PHACTR1: variants seen among roughly 807,000 people sequenced by gnomAD.
PHACTR1 encodes the protein RPEL repeat containing 1.
A neutral mutation model predicts 69.2 loss-of-function variants in PHACTR1; 16 were observed. The ratio of observed to expected loss-of-function variants is 0.23; its 90% CI spans 0.16 to 0.35. PHACTR1 has a LOEUF of 0.35. PHACTR1 is among the 10% of genes least tolerant of loss of function. The pLI is 1.00. For missense variants in PHACTR1, 510 were observed against 734.7 expected, an observed-to-expected ratio of 0.69 and a Z score of 3.54; for synonymous variants, 312 against 284.5, an observed-to-expected ratio of 1.10 and a Z score of -0.97.
intron 5 of PHACTR1, among the ~76,000 whole-genome samples, chr6:13,096,466 A>T (rs1175793401): frequency 6.6e-6 from 1 of 152,208 alleles, no homozygotes; most frequent in Admixed American, 6.5e-5. Flanking sequence ...AACCTTGGGG[A>T]AATCATACTT....
rs113769330 is a variant in PHACTR1 at position 13,219,208 on chromosome 6, T to TA, written c.987-8608_987-8607insA. On this transcript the variant is annotated intron_variant, in intron 8 of 14. Coordinates refer to ENST00000332995, the MANE Select transcript of PHACTR1 (RefSeq NM_030948.6). ...TTCCAAATATGTCTCTTTTCAGTGT[T>TA]TCTTGTGTAAATAGCAAGGCTTCTG... 7.2e-3 allele frequency among the ~76,000 whole-genome samples: 1,098 copies of TA among 152,328 alleles called. 16 individuals carry two copies. Among genetic ancestry groups the TA allele is most frequent in the African/African-American group, 0.025 (1,039 of 41,578 alleles).
chr6:13,068,651 T>G (rs1809037156), intron 5 of PHACTR1, among the ~76,000 whole-genome samples: 1 of 152,176 alleles, frequency 6.6e-6, no homozygotes, highest in South Asian at 2.1e-4. Context: ...GTTCCGTAGT[T>G]TCCTGGGTAT....
At chr6:12,843,589 G>A (rs1268090125) in intron 4 of PHACTR1, among the ~76,000 whole-genome samples, 2 of 152,196 alleles carry the variant, frequency 1.3e-5, no homozygotes, top group Non-Finnish European at 2.9e-5. Context: ...CATAAATAAT[G>A]TGTTAAACCA....
At chr6:12,730,545 A>G (rs552890079) in intron 3 of PHACTR1, among the ~76,000 whole-genome samples, 15 of 152,230 alleles carry the variant, frequency 9.9e-5, no homozygotes, top group African/African-American at 3.6e-4. Flanking sequence ...AAAATGCTGC[A>G]AAGGAAGAGG....
chr6:13,078,034 A>G (rs536794886), intron 5 of PHACTR1, among the ~76,000 whole-genome samples: 10 of 152,270 alleles, frequency 6.6e-5, no homozygotes, highest in East Asian at 3.9e-4. Flanking sequence ...CCATCACACA[A>G]TGAAGGAGAG....
intron 4 of PHACTR1, among the ~76,000 whole-genome samples, chr6:12,864,848 A>G (rs1338985152): frequency 1.3e-5 from 2 of 152,174 alleles, no homozygotes; most frequent in Non-Finnish European, 2.9e-5. Context: ...GGATTTCTTC[A>G]GTAGCTTAAA....
intron 10 of PHACTR1, among the ~76,000 whole-genome samples, chr6:13,262,285 C>T (rs1329173422): frequency 6.6e-6 from 1 of 152,120 alleles, no homozygotes; most frequent in Non-Finnish European, 1.5e-5. Flanking sequence ...GGACTCCATA[C>T]AAGACCACTT....
intron 3 of PHACTR1, among the ~76,000 whole-genome samples, chr6:12,738,748 G>A (rs1035766023): frequency 1.3e-4 from 19 of 151,968 alleles, no homozygotes; most frequent in South Asian, 6.2e-4. Flanking sequence ...TTGTAGTCCC[G>A]GCTACTCAAG....
At chr6:13,017,885 C>T (rs975650522) in intron 4 of PHACTR1, among the ~76,000 whole-genome samples, 12 of 152,204 alleles carry the variant, frequency 7.9e-5, no homozygotes, top group Admixed American at 2.0e-4. Flanking sequence ...AGAAACAAGA[C>T]GTATTGATTG....
At position 13,039,704 on chromosome 6, in the gene PHACTR1, G is replaced by A. The variant is rs1583079823; in HGVS notation, c.251-13661G>A. Among the ~76,000 whole-genome samples, 8 of 152,280 alleles carry A rather than the reference G, an allele frequency of 5.3e-5. 2 individuals are homozygous for A. The highest frequency in any genetic ancestry group is 3.9e-4 in the Admixed American group (6 of 15,284). On this transcript the variant is annotated intron_variant, in intron 4 of 14. Transcript: ENST00000332995. ...TGTGGTGACTGTTTTTAAGAGAATG[G>A]CTCTTTAATTCAGAAACCAATTGAA...
At chr6:12,869,624 T>C (rs1365218286) in intron 4 of PHACTR1, among the ~76,000 whole-genome samples, 1 of 152,156 alleles carries the variant, frequency 6.6e-6, no homozygotes, top group Non-Finnish European at 1.5e-5. Flanking sequence ...CCAGTCCTCC[T>C]CCTTCCTGCT....
intron 4 of PHACTR1, among the ~76,000 whole-genome samples, chr6:12,770,709 G>A (rs1268017328): frequency 6.6e-6 from 1 of 152,186 alleles, no homozygotes; most frequent in Non-Finnish European, 1.5e-5. Context: ...TGCCATTGAG[G>A]AGCACCCATG....
At chr6:12,990,920 A>G (rs991033463) in intron 4 of PHACTR1, among the ~76,000 whole-genome samples, 7 of 152,028 alleles carry the variant, frequency 4.6e-5, no homozygotes, top group South Asian at 2.1e-4. Flanking sequence ...ATAGTCTCCA[A>G]TGCTCTGTTG....
intron 8 of PHACTR1, among the ~76,000 whole-genome samples, chr6:13,224,906 A>G (rs1371374289): frequency 6.6e-6 from 1 of 152,184 alleles, no homozygotes; most frequent in Non-Finnish European, 1.5e-5. Context: ...CATGTCTGTC[A>G]ATAACCAGTG....
At chr6:13,160,310 C>T (rs747249386) in intron 6 of PHACTR1, 26 bp downstream of exon 6, 18 of 1,592,960 alleles carry the variant, frequency 1.1e-5, no homozygotes, top group Middle Eastern at 1.7e-4. Context: ...CTGTCATCCC[C>T]GGGTCAAAGA....
chr6:13,148,557 A>G (rs1313418545), intron 5 of PHACTR1, among the ~76,000 whole-genome samples: 1 of 152,172 alleles, frequency 6.6e-6, no homozygotes, highest in Admixed American at 6.5e-5. Flanking sequence ...GCATGCTGAA[A>G]ATGAGGCTGT....
At position 12,944,791 on chromosome 6, in the gene PHACTR1, T is replaced by A. The variant is rs576227312; in HGVS notation, c.251-108574T>A. ...TTTATTTATTTATTTTTATTTATTTTTTTTTTTTTGAGACGGAGTCTGGCT... is the reference window on the plus strand; with the variant it reads ...TTTATTTATTTATTTTTATTTATTTATTTTTTTTTGAGACGGAGTCTGGCT... On this transcript the variant is annotated intron_variant, in intron 4 of 14. Coordinates refer to ENST00000332995, the MANE Select transcript of PHACTR1 (RefSeq NM_030948.6). 1.4e-3 allele frequency among the ~76,000 whole-genome samples: 145 copies of A among 101,474 alleles called. 2 individuals are homozygous for A. The highest frequency in any genetic ancestry group is 4.6e-3 in the East Asian group (22 of 4,784). 66.6% of individuals were successfully genotyped at this position (101,474 alleles called of 152,430 possible).
chr6:13,176,073 G>T (rs1761279569), intron 6 of PHACTR1, among the ~76,000 whole-genome samples: 1 of 152,082 alleles, frequency 6.6e-6, no homozygotes. Context: ...CAGAAGCCCT[G>T]GGGAAAACGT....
rs182728003 is a variant in PHACTR1, at chr6:13,105,321, G to T, written c.415+51792G>T. Reference sequence around the variant, plus strand: ...TTGTGCCCAGAGGGTTGAGGCTACAGTGAGCCATGATTATGCCACTGCATT... The same window carrying T: ...TTGTGCCCAGAGGGTTGAGGCTACATTGAGCCATGATTATGCCACTGCATT... On this transcript the variant is annotated intron_variant, in intron 5 of 14. Coordinates refer to ENST00000332995, the MANE Select transcript of PHACTR1 (RefSeq NM_030948.6). 2.3e-3 allele frequency among the ~76,000 whole-genome samples: 352 copies of T among 152,180 alleles called. 1 individual carries two copies. Among genetic ancestry groups the T allele is most frequent in the African/African-American group, 8.1e-3 (337 of 41,526 alleles).
Sources: allele counts gnomAD v4.1 joint callset (sites outside exome capture counted in the v4.1 genomes callset), GRCh38; gene constraint gnomAD v4.1.1; transcripts MANE v1.5; gene names NCBI Gene and HGNC (gene_info 2026-07-23, HGNC 2026-07-21).